The following PDE11A variants were observed in gnomAD, a reference collection of about 807,000 sequenced individuals.
PDE11A encodes the protein dual 3',5'-cyclic-AMP and -GMP phosphodiesterase 11A.
A neutral mutation model predicts 100.5 loss-of-function variants in PDE11A; 100 were observed. The observed-to-expected ratio is 1.00, with a 90% confidence interval of 0.85 to 1.18. The LOEUF is 1.18. Among genes scored for constraint, PDE11A ranks in the 50% most tolerant of loss-of-function variants. The probability of loss-of-function intolerance (pLI) is 0.00; values close to 1 mark genes in which losing one functional copy is unlikely to be tolerated. For synonymous variants in PDE11A, 381 were observed against 420.8 expected (o/e 0.91, Z 1.16); for missense variants, 1,141 against 1,152.6 (o/e 0.99, Z 0.15).
At chr2:177,760,139 T>C (rs540281622) in intron 10 of PDE11A, among the ~76,000 whole-genome samples, 1 of 152,346 alleles carries the variant, frequency 6.6e-6, no homozygotes, top group South Asian at 2.1e-4. Context: ...GCTGGTTCTT[T>C]GATCCTTAGT....
chr2:177,861,542 C>T (rs1259325155), intron 5 of PDE11A, among the ~76,000 whole-genome samples: 2 of 151,820 alleles, frequency 1.3e-5, no homozygotes, highest in African/African-American at 4.8e-5. Flanking sequence ...ATAAACTCAG[C>T]TACTAATTTT....
intron 9 of PDE11A, among the ~76,000 whole-genome samples, chr2:177,776,638 T>G (rs1026092226): frequency 2.0e-5 from 3 of 152,114 alleles, no homozygotes; most frequent in African/African-American, 7.2e-5. Flanking sequence ...TAAGGTAAAA[T>G]GAGGTCATGT....
intron 3 of PDE11A, among the ~76,000 whole-genome samples, chr2:177,903,001 C>T (rs549131685): frequency 6.6e-6 from 1 of 152,324 alleles, no homozygotes; most frequent in South Asian, 2.1e-4. Flanking sequence ...AGACTCAGCT[C>T]AAAATCATCT....
At chr2:177,723,842 T>C (rs1404458687) in intron 12 of PDE11A, among the ~76,000 whole-genome samples, 1 of 152,136 alleles carries the variant, frequency 6.6e-6, no homozygotes, top group Non-Finnish European at 1.5e-5. Flanking sequence ...AAAAAATGTC[T>C]CTGCAACCTT....
intron 15 of PDE11A, among the ~76,000 whole-genome samples, chr2:177,685,579 C>T (rs78779101): frequency 0.16 from 23,666 of 151,776 alleles, 4,165 homozygotes; most frequent in African/African-American, 0.43. Flanking sequence ...GACGGAGTTT[C>T]GCTCTTGTTG....
chr2:177,998,545 C>T (rs1559037213), intron 2 of PDE11A: 22 of 1,315,964 alleles, frequency 1.7e-5, no homozygotes, highest in Non-Finnish European at 2.3e-5. Context: ...CAAATAGATA[C>T]ATCTTCATCT....
chr2:177,635,851 T>A (rs1221292508), intron 19 of PDE11A, among the ~76,000 whole-genome samples: 1 of 151,784 alleles, frequency 6.6e-6, no homozygotes, highest in East Asian at 1.9e-4. Flanking sequence ...CACTACAAAA[T>A]TAGATTTCCT....
At chr2:177,862,102 C>T (rs969164952) in intron 5 of PDE11A, among the ~76,000 whole-genome samples, 5 of 151,706 alleles carry the variant, frequency 3.3e-5, no homozygotes, top group South Asian at 2.1e-4. Context: ...TCAATAGACA[C>T]CATCAAGAAA....
intron 15 of PDE11A, among the ~76,000 whole-genome samples, chr2:177,694,268 A>AT (rs898200116): frequency 4.6e-5 from 7 of 151,706 alleles, no homozygotes; most frequent in East Asian, 1.9e-4. Context: ...GAGTGTTGAT[A>AT]TTTTTTTTTC....
At chr2:178,100,232 A>G (rs1461080249) in intron 2 of PDE11A, among the ~76,000 whole-genome samples, 1 of 152,172 alleles carries the variant, frequency 6.6e-6, no homozygotes, top group African/African-American at 2.4e-5. Context: ...AAAATGGTAA[A>G]TTTTATGTTA....
intron 2 of PDE11A, among the ~76,000 whole-genome samples, chr2:178,098,716 AC>A (rs1423584907): frequency 6.6e-6 from 1 of 151,918 alleles, no homozygotes; most frequent in Non-Finnish European, 1.5e-5. Flanking sequence ...TTTCCTTACC[AC>A]ACATAATGGT....
rs947164192 is a variant in PDE11A at position 177,627,666 on chromosome 2, T to A, written c.*1741A>T. 6.6e-6 allele frequency: 1 copy of A among 152,024 alleles called. No individual in the cohort carries two copies. The highest frequency in any genetic ancestry group is 2.4e-5 in the African/African-American group (1 of 41,404). 9.4% of individuals were successfully genotyped at this position (152,024 alleles called of 1,614,324 possible). A position where few individuals can be genotyped will look rare whatever the true frequency, so the allele number is the denominator to read the frequency against. On this transcript the variant is annotated 3_prime_UTR_variant, in exon 20 of 20. Coordinates refer to ENST00000286063, the MANE Select transcript of PDE11A (RefSeq NM_016953.4). ...TTTGAGATCAGCCTGGCAAACATGGTGAAACCCTGTGTCTACTAAAAGTAC... is the reference window on the plus strand; with the variant it reads ...TTTGAGATCAGCCTGGCAAACATGGAGAAACCCTGTGTCTACTAAAAGTAC...
chr2:177,872,911 G>A (rs1490786512), intron 5 of PDE11A, among the ~76,000 whole-genome samples: 1 of 152,186 alleles, frequency 6.6e-6, no homozygotes, highest in Non-Finnish European at 1.5e-5. Context: ...GACAATGATG[G>A]AAAGGTCTTC....
At chr2:177,819,868 T>C (rs111418595) in intron 7 of PDE11A, among the ~76,000 whole-genome samples, 49,510 of 137,898 alleles carry the variant, frequency 0.36, 10,246 homozygotes, top group African/African-American at 0.52. Context: ...CTTTCTCTCT[T>C]TCTCTCTCTC....
intron 1 of PDE11A, among the ~76,000 whole-genome samples, chr2:178,049,400 C>G (rs2086793132): frequency 6.6e-6 from 1 of 152,134 alleles, no homozygotes; most frequent in Admixed American, 6.5e-5. Flanking sequence ...AGGAACAGCT[C>G]CAGTCTGCAG....
intron 9 of PDE11A, among the ~76,000 whole-genome samples, chr2:177,800,450 T>G (rs745417534): frequency 4.6e-5 from 7 of 152,144 alleles, no homozygotes; most frequent in Admixed American, 1.3e-4. Flanking sequence ...GGATTACAGG[T>G]GTGAGCCACC....
chr2:178,095,955 G>A (rs2105886136), intron 2 of PDE11A, among the ~76,000 whole-genome samples: 1 of 152,240 alleles, frequency 6.6e-6, no homozygotes, highest in East Asian at 1.9e-4. Context: ...GCAGCAGTGG[G>A]GCCCTGGGCT....
chr2:177,635,659 A>T lies in PDE11A; in HGVS notation c.2647-6097T>A, dbSNP rs562548910. ...ATCTCCGTTCTACTATTTCCCAGAC[A>T]CTCAGTTTCCTCCCCTAGAGGCAAC... On this transcript the variant is annotated intron_variant, in intron 19 of 19. Transcript: ENST00000286063. 6.6e-5 allele frequency among the ~76,000 whole-genome samples: 10 copies of T among 152,158 alleles called. No homozygotes were observed. The East Asian group carries it at 1.9e-3, about 29-fold the overall frequency.
intron 6 of PDE11A, among the ~76,000 whole-genome samples, chr2:177,837,967 T>A (rs1225384490): frequency 1.3e-5 from 2 of 152,192 alleles, no homozygotes; most frequent in African/African-American, 2.4e-5. Context: ...CCTTCTTGAA[T>A]CTTGTTTTTC....
Sources: allele counts gnomAD v4.1 joint callset (sites outside exome capture counted in the v4.1 genomes callset), GRCh38; gene constraint gnomAD v4.1.1; transcripts MANE v1.5; gene names NCBI Gene and HGNC (gene_info 2026-07-23, HGNC 2026-07-21).